FXYD6: variants seen among roughly 807,000 people sequenced by gnomAD.
FXYD6 encodes FXYD domain containing ion transport regulator 6, also known as FXYD domain-containing ion transport regulator 6.
A neutral mutation model predicts 16.7 loss-of-function variants in FXYD6; 7 were observed. That is an observed-to-expected ratio of 0.42 (90% confidence interval 0.24 to 0.79). The LOEUF is 0.79. FXYD6 is among the 30% of genes least tolerant of loss of function. The probability of loss-of-function intolerance (pLI) is 0.28; values close to 1 mark genes in which losing one functional copy is unlikely to be tolerated. For missense variants in FXYD6, 111 were observed against 116.2 expected, an observed-to-expected ratio of 0.95 and a Z score of 0.21; for synonymous variants, 49 against 43.0, an observed-to-expected ratio of 1.14 and a Z score of -0.54.
intron 5 of FXYD6, 30 bp downstream of exon 5, chr11:117,841,118 C>T (rs2056331761): frequency 6.2e-7 from 1 of 1,613,780 alleles, no homozygotes; most frequent in African/African-American, 1.3e-5. Context: ...TAGTATCACC[C>T]CCCCAAGGCC....
chr11:117,839,866 A>T, intron 6 of FXYD6, 36 bp from the exon 7 acceptor site: 1 of 1,612,582 alleles, frequency 6.2e-7, no homozygotes, highest in Non-Finnish European at 8.5e-7. Flanking sequence ...TAGTGTATAG[A>T]CTCCTCACCC....
intron 1 of FXYD6, among the ~76,000 whole-genome samples, chr11:117,875,548 C>T (rs372914723): frequency 3.9e-5 from 6 of 152,126 alleles, no homozygotes; most frequent in African/African-American, 1.4e-4. Context: ...CGTAGACATA[C>T]ACATCCATAA....
At chr11:117,857,464 C>T (rs1417722421) in intron 1 of FXYD6, among the ~76,000 whole-genome samples, 3 of 145,354 alleles carry the variant, frequency 2.1e-5, no homozygotes, top group Admixed American at 7.0e-5. Flanking sequence ...GGCTGGAGTG[C>T]AGTGGCGCAA....
chr11:117,874,486 G>A lies in FXYD6; in HGVS notation c.-6+2106C>T, dbSNP rs75244129. Among the ~76,000 whole-genome samples, 1,452 of 152,304 alleles carry A rather than the reference G, an allele frequency of 9.5e-3. 20 individuals carry two copies. Among genetic ancestry groups the A allele is most frequent in the African/African-American group, 0.032 (1,326 of 41,554 alleles). On this transcript the variant is annotated intron_variant, in intron 1 of 7. Transcript: ENST00000526014. ...GAAGAGAGGGTGGCCTGAACCCCAGGCAACGGCGGGTAGCCCTAACTTTCG... is the reference window on the plus strand; with the variant it reads ...GAAGAGAGGGTGGCCTGAACCCCAGACAACGGCGGGTAGCCCTAACTTTCG...
Position 117,869,404 on chromosome 11 carries a change from G to A in FXYD6, c.-6+7188C>T, listed in dbSNP as rs1260381971. ...TTCCCTCTCCTGTCAGGCGCCTTCA[G>A]TAGCCCAACGGCTCGAATGCTGCCC... On this transcript the variant is annotated intron_variant, in intron 1 of 7. Coordinates refer to ENST00000526014, the MANE Select transcript of FXYD6 (RefSeq NM_022003.4). 4.6e-5 allele frequency among the ~76,000 whole-genome samples: 7 copies of A among 152,334 alleles called. No individual in the cohort carries two copies. In the East Asian group the frequency reaches 1.2e-3, roughly 25 times the overall value.
chr11:117,858,489 G>A (rs1278000908), intron 1 of FXYD6, among the ~76,000 whole-genome samples: 1 of 151,866 alleles, frequency 6.6e-6, no homozygotes, highest in East Asian at 1.9e-4. Context: ...CAGGGGTAAG[G>A]ACCACACTCA....
rs1237089593 is a variant in FXYD6, at chr11:117,838,385, A to G, written c.*22-108T>C. 3 of 692,194 alleles carry G rather than the reference A, an allele frequency of 4.3e-6. No homozygotes were observed. In the African/African-American group the frequency reaches 5.3e-5, roughly 12 times the overall value. The allele number at this position is 692,194 out of a possible 1,614,324, so 42.9% of individuals were successfully genotyped here. On this transcript the variant is annotated intron_variant, in intron 7 of 7. Transcript: ENST00000526014. ...TGCCCACTGAAATTCCCGGTATGAC[A>G]GCCTCGTCTGAGACGCAGAGAAAGG...
At chr11:117,866,289 CATTTTATGGTATGTGT>C (rs1438830106) in intron 1 of FXYD6, among the ~76,000 whole-genome samples, 1 of 151,708 alleles carries the variant, frequency 6.6e-6, no homozygotes, top group Non-Finnish European at 1.5e-5. Context: ...AATCATAGTA[CATTTTATGGTATGTGT>C]ATTTTACCAT....
At chr11:117,858,677 T>TTC (rs1315155676) in intron 1 of FXYD6, among the ~76,000 whole-genome samples, 2 of 87,700 alleles carry the variant, frequency 2.3e-5, no homozygotes, top group South Asian at 5.4e-4. Context: ...CTTTCTTTCT[T>TTC]TCTTTCTTTC....
intron 1 of FXYD6, among the ~76,000 whole-genome samples, chr11:117,858,964 C>T (rs968665302): frequency 2.6e-5 from 4 of 151,986 alleles, no homozygotes; most frequent in African/African-American, 7.2e-5. Context: ...TTAGTAGAGA[C>T]GGGGTTTCGC....
chr11:117,839,931 G>T (rs2056300080), intron 6 of FXYD6, 101 bp from the exon 7 acceptor site: 1 of 1,464,172 alleles, frequency 6.8e-7, no homozygotes, highest in Non-Finnish European at 9.5e-7. Flanking sequence ...GGGGAGCAAA[G>T]AGGTGACGGG....
At chr11:117,840,240 GCA>G in intron 6 of FXYD6, 77 bp downstream of exon 6, 2 of 1,594,072 alleles carry the variant, frequency 1.3e-6, no homozygotes, top group South Asian at 2.2e-5. Context: ...CATGCACCTG[GCA>G]ACAGTCCCTT....
intron 1 of FXYD6, among the ~76,000 whole-genome samples, chr11:117,869,396 C>T (rs1010919806): frequency 5.9e-5 from 9 of 152,328 alleles, no homozygotes; most frequent in African/African-American, 1.7e-4. Flanking sequence ...TCCTGTCAGG[C>T]GCCTTCAGTA....
At chr11:117,841,633 A>G (rs2056346210) in intron 4 of FXYD6, 158 bp downstream of exon 4, 1 of 714,782 alleles carries the variant, frequency 1.4e-6, no homozygotes, top group Non-Finnish European at 2.4e-6. Flanking sequence ...AGCACTTACT[A>G]TGTGCCCAGC....
intron 2 of FXYD6, chr11:117,842,411 T>C (rs903836228): frequency 3.5e-6 from 2 of 563,816 alleles, no homozygotes; most frequent in Admixed American, 6.4e-5. Context: ...GTCTAGAGAC[T>C]GATGTGCAGG....
intron 1 of FXYD6, among the ~76,000 whole-genome samples, chr11:117,860,491 G>A (rs1452083156): frequency 6.6e-6 from 1 of 152,244 alleles, no homozygotes; most frequent in African/African-American, 2.4e-5. Context: ...TAGAGAGACA[G>A]CAGAATGTAC....
In FXYD6 at chr11:117,872,546, T is replaced by C. The variant is rs73586995; in HGVS notation, c.-6+4046A>G. The stretch of plus-strand genomic sequence containing the variant: ...AACCTTAGCCTCTGGTCTCTCAGTG[T>C]GGGCCTGGCTTTGTCCTCCAGCTGC... On this transcript the variant is annotated intron_variant, in intron 1 of 7. Coordinates refer to ENST00000526014, the MANE Select transcript of FXYD6 (RefSeq NM_022003.4). This position sits in a 1 kb window ranked among gnomAD's most constrained non-coding sequence, Gnocchi z 4.9. Among the ~76,000 whole-genome samples, 828 of 152,318 alleles carry C rather than the reference T, an allele frequency of 5.4e-3. 7 individuals carry two copies. Among genetic ancestry groups the C allele is most frequent in the African/African-American group, 0.019 (794 of 41,570 alleles).
At chr11:117,856,090 A>G (rs1484336763) in intron 1 of FXYD6, among the ~76,000 whole-genome samples, 1 of 151,980 alleles carries the variant, frequency 6.6e-6, no homozygotes, top group East Asian at 1.9e-4. Context: ...TTCCTCTCTG[A>G]TCCTCCTGCT....
intron 1 of FXYD6, among the ~76,000 whole-genome samples, chr11:117,873,032 C>A (rs991469666): frequency 7.3e-5 from 11 of 151,482 alleles, no homozygotes; most frequent in Admixed American, 1.3e-4. Context: ...TTTAAAGAAC[C>A]CCCCCCAACC....
Sources: gnomAD v4.1 joint callset for allele counts (sites outside exome capture counted in the v4.1 genomes callset) on GRCh38, gnomAD v4.1.1 for gene constraint, Gnocchi (gnomAD v3.1) non-coding constraint, MANE v1.5 for transcripts, NCBI Gene and HGNC (gene_info 2026-07-23, HGNC 2026-07-21) for gene names.